The following ANKRD44 variants were observed in gnomAD, a reference collection of about 807,000 sequenced individuals.
ANKRD44 encodes ankyrin repeat domain 44.
A neutral mutation model predicts 116.0 loss-of-function variants in ANKRD44; 35 were observed. That is an observed-to-expected ratio of 0.30 (90% CI 0.23 to 0.40). The LOEUF (loss-of-function observed/expected upper bound fraction) is 0.40. ANKRD44 is among the 10% of genes least tolerant of loss of function. ANKRD44 has a pLI of 1.00. For synonymous variants in ANKRD44, 435 were observed against 461.8 expected, an observed-to-expected ratio of 0.94 and a Z score of 0.74; for missense variants, 1,014 against 1,242.6, an observed-to-expected ratio of 0.82 and a Z score of 2.77.
chr2:196,976,929 GA>G (rs2075765205), intron 21 of ANKRD44, among the ~76,000 whole-genome samples: 1 of 151,902 alleles, frequency 6.6e-6, no homozygotes, highest in Non-Finnish European at 1.5e-5. Flanking sequence ...GGGCTCTAAG[GA>G]ATAGTTTTTC....
intron 17 of ANKRD44, among the ~76,000 whole-genome samples, chr2:197,018,960 G>A (rs1259098097): frequency 6.6e-6 from 1 of 152,060 alleles, no homozygotes; most frequent in African/African-American, 2.4e-5. Flanking sequence ...ACAAAATCAG[G>A]ATTCTGAACC....
At chr2:197,057,774 C>CTT (rs1391239479) in intron 16 of ANKRD44, among the ~76,000 whole-genome samples, 1 of 152,200 alleles carries the variant, frequency 6.6e-6, no homozygotes, top group African/African-American at 2.4e-5. Context: ...GGGAGGATCG[C>CTT]TTGAATCCAG....
intron 1 of ANKRD44, among the ~76,000 whole-genome samples, chr2:197,190,169 T>C (rs1020558124): frequency 1.3e-5 from 2 of 152,130 alleles, no homozygotes; most frequent in Non-Finnish European, 2.9e-5. Flanking sequence ...TATGCATACA[T>C]ATGCACCTAG....
At chr2:197,197,824 A>G (rs1574254807) in intron 1 of ANKRD44, among the ~76,000 whole-genome samples, 4 of 117,652 alleles carry the variant, frequency 3.4e-5, no homozygotes, top group African/African-American at 5.3e-5. Context: ...AAAAAAAAAA[A>G]AAAAAAGAAA....
intron 1 of ANKRD44, among the ~76,000 whole-genome samples, chr2:197,261,557 T>TA (rs3057784): frequency 1.3e-4 from 19 of 150,266 alleles, no homozygotes; most frequent in African/African-American, 1.7e-4. Context: ...AATCTTTTCT[T>TA]AAAAAAAAAA....
chr2:197,260,160 T>C (rs2082559543), intron 1 of ANKRD44, among the ~76,000 whole-genome samples: 3 of 152,318 alleles, frequency 2.0e-5, no homozygotes, highest in Middle Eastern at 6.8e-3. Flanking sequence ...TGTATACGTG[T>C]GCCATGTTGG....
rs1574403513 is a variant in ANKRD44, at chr2:197,073,146, G to A, written c.1650+5557C>T. On this transcript the variant is annotated intron_variant, in intron 16 of 27. Transcript: ENST00000282272. ...GCCTCCTCCAGTTCTAAAGGGGATA[G>A]GCAAAGGAAGACACATTAGGAGCAG... 2.6e-5 allele frequency among the ~76,000 whole-genome samples: 4 copies of A among 152,292 alleles called. No homozygotes were observed. In the South Asian group the frequency reaches 8.3e-4, roughly 32 times the overall value.
intron 16 of ANKRD44, among the ~76,000 whole-genome samples, chr2:197,044,814 A>T (rs2076972824): frequency 6.6e-6 from 1 of 152,090 alleles, no homozygotes; most frequent in African/African-American, 2.4e-5. Flanking sequence ...ATACACACAA[A>T]TTCCTAGCAA....
intron 2 of ANKRD44, among the ~76,000 whole-genome samples, chr2:197,185,913 T>C (rs1382133289): frequency 6.6e-6 from 1 of 152,210 alleles, no homozygotes; most frequent in African/African-American, 2.4e-5. Context: ...TAAATATCTT[T>C]GGCTTTGTGA....
intron 9 of ANKRD44, 43 bp from the exon 10 acceptor site, chr2:197,099,973 T>A (rs901229153): frequency 2.5e-6 from 4 of 1,570,022 alleles, no homozygotes; most frequent in African/African-American, 2.7e-5. Flanking sequence ...AGGATTCAGG[T>A]TGATTCAGGT....
intron 1 of ANKRD44, among the ~76,000 whole-genome samples, chr2:197,253,409 G>A (rs1414815560): frequency 6.6e-6 from 1 of 151,876 alleles, no homozygotes; most frequent in Non-Finnish European, 1.5e-5. Flanking sequence ...TAATGTCAAT[G>A]TCCACATTAT....
rs148201122 is a variant in ANKRD44 at position 197,066,271 on chromosome 2, G to C, written c.1650+12432C>G. ...ATGCTAAAAACTCTCAATAAATTAGGTATTGATGGGACATATCTCAAAATA... is the reference window on the plus strand; with the variant it reads ...ATGCTAAAAACTCTCAATAAATTAGCTATTGATGGGACATATCTCAAAATA... On this transcript the variant is annotated intron_variant, in intron 16 of 27. Transcript: ENST00000282272. Among the ~76,000 whole-genome samples the C allele has an allele frequency of 1.2e-3, 183 of 152,194 alleles. 2 individuals are homozygous for C. In the East Asian group the frequency reaches 0.033, roughly 27 times the overall value.
At chr2:197,172,819 G>C (rs1167600081) in intron 2 of ANKRD44, among the ~76,000 whole-genome samples, 1 of 152,056 alleles carries the variant, frequency 6.6e-6, no homozygotes, top group Non-Finnish European at 1.5e-5. Context: ...GCCCACCTTG[G>C]CCTCCCAAAC....
chr2:197,161,141 C>T (rs1268081046), intron 2 of ANKRD44, among the ~76,000 whole-genome samples: 1 of 152,132 alleles, frequency 6.6e-6, no homozygotes, highest in Admixed American at 6.5e-5. Context: ...TGAGGCTAGA[C>T]CTCAAAATGG....
At chr2:197,234,238 G>C (rs1023085458) in intron 1 of ANKRD44, among the ~76,000 whole-genome samples, 6 of 151,246 alleles carry the variant, frequency 4.0e-5, no homozygotes, top group Non-Finnish European at 7.4e-5. Context: ...AGTCGCCCAG[G>C]CTGGGCAGTG....
At chr2:197,220,190 T>C (rs543515517) in intron 1 of ANKRD44, among the ~76,000 whole-genome samples, 1 of 152,212 alleles carries the variant, frequency 6.6e-6, no homozygotes, top group Non-Finnish European at 1.5e-5. Flanking sequence ...CTTAATTCCC[T>C]CACAGCTTTT....
rs527811437 is a variant in ANKRD44, at chr2:197,275,428, C to CA, written c.27+35149dup. Among the ~76,000 whole-genome samples the CA allele has an allele frequency of 6.7e-3, 650 of 97,134 alleles. 11 individuals carry two copies. Among genetic ancestry groups the CA allele is most frequent in the South Asian group, 0.038 (109 of 2,862 alleles). The allele number at this position is 97,134 out of a possible 152,430, so 63.7% of individuals were successfully genotyped here. On this transcript the variant is annotated intron_variant, in intron 1 of 27. Coordinates refer to ENST00000282272, the MANE Select transcript of ANKRD44 (RefSeq NM_001195144.2). The stretch of plus-strand genomic sequence containing the variant: ...CTGTGCCCAGGTGACCCAGTCTCTT[C>CA]AAAAAAAAAAAAAAAAAAAAAATAC...
chr2:197,112,027 A>AAGT (rs1360871201), intron 8 of ANKRD44, among the ~76,000 whole-genome samples: 1 of 152,228 alleles, frequency 6.6e-6, no homozygotes, highest in Non-Finnish European at 1.5e-5. Context: ...AATCATCATT[A>AAGT]TACTAAATAC....
In ANKRD44 at chr2:197,005,895, C is replaced by T. The variant is rs1463623548; in HGVS notation, c.2146G>A (p.Glu716Lys). 13 of 1,614,170 alleles carry T rather than the reference C, an allele frequency of 8.1e-6. No homozygotes were observed. The highest frequency in any genetic ancestry group is 1.0e-5 in the Non-Finnish European group (12 of 1,180,012). ...TCCAGCAGCATTTGCACACATTCCT[C>T]GTGTCCTGTCATAATCTGATGCATT... Reference protein sequence around the residue: ...ALHRGIMTGHEECVQMLLEQE... With the variant: ...ALHRGIMTGHKECVQMLLEQE... Residue 716 changes from glutamate to lysine, a missense_variant, in exon 21 of 28, where the codon GAG becomes AAG. Glu to Lys is a moderately conservative substitution (Grantham distance 56, BLOSUM62 1). Transcript: ENST00000282272.
Sources: gnomAD v4.1 joint callset for allele counts (sites outside exome capture counted in the v4.1 genomes callset) on GRCh38, gnomAD v4.1.1 for gene constraint, MANE v1.5 for transcripts, NCBI Gene and HGNC (gene_info 2026-07-23, HGNC 2026-07-21) for gene names.